Variants in NRXN1 observed in about 807,000 individuals in gnomAD.
NRXN1 encodes the protein neurexin 1, also known as neurexin-1.
In NRXN1, 39 loss-of-function variants were observed where a neutral mutation model predicts 150.9. The observed-to-expected ratio is 0.26, with a 90% CI of 0.20 to 0.34. The LOEUF (loss-of-function observed/expected upper bound fraction) is 0.34, where lower values mean the gene tolerates loss of function less well. Ranked by LOEUF, NRXN1 falls within the 10% of genes least tolerant of loss-of-function variation. The pLI is 1.00. For synonymous variants in NRXN1, 924 were observed against 757.0 expected (o/e 1.22, Z -3.62); for missense variants, 1,815 against 1,949.9 (o/e 0.93, Z 1.30).
At chr2:50,152,752 T>G (rs935900416) in intron 18 of NRXN1, among the ~76,000 whole-genome samples, 1 of 151,968 alleles carries the variant, frequency 6.6e-6, no homozygotes, top group South Asian at 2.1e-4. Context: ...ACTTTTAAGA[T>G]CCTCTCTTTG....
intron 5 of NRXN1, among the ~76,000 whole-genome samples, chr2:50,901,426 A>C (rs1000321507): frequency 2.0e-5 from 3 of 152,010 alleles, no homozygotes; most frequent in Non-Finnish European, 4.4e-5. Flanking sequence ...AGTCCCAGCT[A>C]CTCAGGAGGC....
At chr2:50,946,087 A>G (rs1244008558) in intron 2 of NRXN1, among the ~76,000 whole-genome samples, 1 of 151,952 alleles carries the variant, frequency 6.6e-6, no homozygotes, top group Non-Finnish European at 1.5e-5. Flanking sequence ...CTAGAATTTA[A>G]GAAACACCTG....
rs376964472 is a variant in NRXN1, at chr2:50,091,519, A to G, written c.3547-25T>C. 9 of 1,608,012 alleles carry G rather than the reference A, an allele frequency of 5.6e-6. No individual in the cohort carries two copies. The African/African-American group carries it at 1.2e-4, about 21-fold the overall frequency. ...GCTGTAAGAGAGGAGGGGAAAAAAG[A>G]GTTGAATTAAGTTGACTAGTCACCA... On this transcript the variant is annotated intron_variant, in intron 18 of 22. Transcript: ENST00000401669.
intron 19 of NRXN1, among the ~76,000 whole-genome samples, chr2:50,068,006 A>G (rs1695620296): frequency 6.6e-6 from 1 of 152,196 alleles, no homozygotes; most frequent in South Asian, 2.1e-4. Flanking sequence ...GTCCACGGAA[A>G]AAAAGATAGG....
chr2:50,360,903 A>G (rs1248186925), intron 17 of NRXN1, among the ~76,000 whole-genome samples: 1 of 152,168 alleles, frequency 6.6e-6, no homozygotes, highest in East Asian at 1.9e-4. Flanking sequence ...CAGAAATCAT[A>G]ACAAACAGTC....
At chr2:50,762,363 G>C (rs1453937247) in intron 5 of NRXN1, among the ~76,000 whole-genome samples, 1 of 151,508 alleles carries the variant, frequency 6.6e-6, no homozygotes, top group Non-Finnish European at 1.5e-5. Context: ...TTTAATTCAG[G>C]GGTCACATGT....
At chr2:50,822,752 T>C (rs574871171) in intron 5 of NRXN1, among the ~76,000 whole-genome samples, 1 of 152,284 alleles carries the variant, frequency 6.6e-6, no homozygotes, top group East Asian at 1.9e-4. Flanking sequence ...CCAAATTTAA[T>C]ATACTATGAG....
At chr2:50,299,537 C>A (rs115025014) in intron 17 of NRXN1, among the ~76,000 whole-genome samples, 1,826 of 151,900 alleles carry the variant, frequency 0.012, 33 homozygotes, top group African/African-American at 0.042. Context: ...TTTTTTCTCA[C>A]TGCTTAGTTT....
chr2:50,749,790 T>TG (rs1700385872), intron 5 of NRXN1, among the ~76,000 whole-genome samples: 1 of 152,024 alleles, frequency 6.6e-6, no homozygotes, highest in African/African-American at 2.4e-5. Flanking sequence ...ATTTTACAAA[T>TG]GAGTAAGGTG....
intron 17 of NRXN1, among the ~76,000 whole-genome samples, chr2:50,389,992 T>C (rs989209470): frequency 6.6e-6 from 1 of 152,204 alleles, no homozygotes; most frequent in Non-Finnish European, 1.5e-5. Flanking sequence ...GAATTATTTA[T>C]ACCAAGTTAG....
At position 51,028,203 on chromosome 2, in the gene NRXN1, C is replaced by A; in HGVS notation, c.71G>T (p.Trp24Leu). Residue 24 changes from tryptophan to leucine, a missense_variant, in exon 2 of 23, where the codon TGG becomes TTG. By Grantham distance (61) the Trp-to-Leu change is moderately conservative. Around this residue, in one of 6 missense-constraint regions of NRXN1, gnomAD observed 554 missense variants for 478.8 expected, o/e 1.16. Coordinates refer to ENST00000401669, the MANE Select transcript of NRXN1 (RefSeq NM_001330078.2). ...LCLSLLLLGC[W>L]AELGSGLEFP... is the part of the protein sequence containing the mutation. ...CTCCAGCCCGCTGCCCAGCTCCGCC[C>A]AGCAGCCCAGGAGCAGCAGCGAGAG... 2 of 1,491,296 alleles carry A rather than the reference C, an allele frequency of 1.3e-6. No individual in the cohort carries two copies. Among genetic ancestry groups the A allele is most frequent in the Non-Finnish European group, 8.9e-7 (1 of 1,126,812 alleles). The allele number at this position is 1,491,296 out of a possible 1,614,324, so 92.4% of individuals were successfully genotyped here.
chr2:50,707,689 A>T (rs2105015006), intron 5 of NRXN1, among the ~76,000 whole-genome samples: 1 of 152,250 alleles, frequency 6.6e-6, no homozygotes, highest in African/African-American at 2.4e-5. Flanking sequence ...AGCATCATTC[A>T]TTTAGAACAA....
intron 22 of NRXN1, among the ~76,000 whole-genome samples, chr2:49,937,093 A>AAGAT (rs1671177619): frequency 6.6e-6 from 1 of 152,214 alleles, no homozygotes; most frequent in South Asian, 2.1e-4. Context: ...AACATCAGAG[A>AAGAT]AGATAGCGCC....
intron 12 of NRXN1, among the ~76,000 whole-genome samples, chr2:50,520,522 T>C (rs1369199416): frequency 6.6e-6 from 1 of 151,954 alleles, no homozygotes; most frequent in Non-Finnish European, 1.5e-5. Context: ...TAGAGGGATA[T>C]ACTTCCAGAA....
At chr2:50,911,114 G>T (rs1261266766) in intron 5 of NRXN1, among the ~76,000 whole-genome samples, 1 of 151,982 alleles carries the variant, frequency 6.6e-6, no homozygotes, top group African/African-American at 2.4e-5. Context: ...TTGGCAAGGG[G>T]ATAATTTTTG....
intron 21 of NRXN1, among the ~76,000 whole-genome samples, chr2:50,038,532 G>C (rs756998413): frequency 1.3e-5 from 2 of 152,130 alleles, no homozygotes; most frequent in African/African-American, 2.4e-5. Flanking sequence ...GAGACTGCAG[G>C]AATGATCACC....
At position 50,329,657 on chromosome 2, in the gene NRXN1, ATATATATATATATATATTT is replaced by A. The variant is rs1178437456; in HGVS notation, c.3365-92706_3365-92688del. ...TATATATATATATATATATATATAT[ATATATATATATATATATTT>A]TTTTTTTTCCCCCCCGAGACGGAGT... On this transcript the variant is annotated intron_variant, in intron 17 of 22. Coordinates refer to ENST00000401669, the MANE Select transcript of NRXN1 (RefSeq NM_001330078.2). 6.9e-4 allele frequency among the ~76,000 whole-genome samples: 12 copies of A among 17,420 alleles called. 1 individual carries two copies. The highest frequency in any genetic ancestry group is 5.7e-3 in the East Asian group (1 of 176). 11.4% of individuals were successfully genotyped at this position (17,420 alleles called of 152,430 possible).
chr2:50,567,620 T>C (rs1317300619), intron 8 of NRXN1, among the ~76,000 whole-genome samples: 1 of 152,162 alleles, frequency 6.6e-6, no homozygotes, highest in East Asian at 1.9e-4. Context: ...AATGCTTTGG[T>C]AGAGCCCTGC....
At chr2:50,283,650 T>C (rs1272386812) in intron 17 of NRXN1, among the ~76,000 whole-genome samples, 1 of 152,158 alleles carries the variant, frequency 6.6e-6, no homozygotes, top group Non-Finnish European at 1.5e-5. Flanking sequence ...TCAGTGATTA[T>C]TTCTCTTAGC....
Sources: allele counts gnomAD v4.1 joint callset (sites outside exome capture counted in the v4.1 genomes callset), GRCh38; gene constraint gnomAD v4.1.1; regional missense constraint gnomAD v4.1.1; transcripts MANE v1.5; gene names NCBI Gene and HGNC (gene_info 2026-07-23, HGNC 2026-07-21).